SLC35F2: variants seen among roughly 807,000 people sequenced by gnomAD.
SLC35F2 encodes the protein queuine/queuosine transporter SLC35F2.
Under a neutral mutation model 38.1 loss-of-function variants are expected in SLC35F2, and 25 were observed. That is an observed-to-expected ratio of 0.66 (90% CI 0.48 to 0.92). The LOEUF (loss-of-function observed/expected upper bound fraction) is 0.92, where lower values mean the gene tolerates loss of function less well. SLC35F2 is among the 40% of genes least tolerant of loss of function. The pLI is 0.00. For synonymous variants in SLC35F2, 173 were observed against 181.7 expected, an observed-to-expected ratio of 0.95 and a Z score of 0.38; for missense variants, 409 against 452.9, an observed-to-expected ratio of 0.90 and a Z score of 0.88.
At chr11:107,853,535 A>G (rs1034426091) in intron 1 of SLC35F2, among the ~76,000 whole-genome samples, 2 of 151,250 alleles carry the variant, frequency 1.3e-5, no homozygotes, top group East Asian at 1.9e-4. Context: ...TGGCTAACAC[A>G]GTGAAACCCC....
chr11:107,834,819 TACATA>T (rs1859903749), intron 1 of SLC35F2, among the ~76,000 whole-genome samples: 3 of 152,334 alleles, frequency 2.0e-5, no homozygotes, highest in East Asian at 1.9e-4. Flanking sequence ...CATTTTATAA[TACATA>T]ACATATTGCA....
At chr11:107,850,842 C>A (rs1035989844) in intron 1 of SLC35F2, among the ~76,000 whole-genome samples, 17 of 151,780 alleles carry the variant, frequency 1.1e-4, no homozygotes, top group Admixed American at 4.6e-4. Flanking sequence ...TTAGTCAACT[C>A]AAAATGTCAA....
intron 3 of SLC35F2, among the ~76,000 whole-genome samples, chr11:107,808,700 C>T (rs1591189335): frequency 6.6e-6 from 1 of 152,184 alleles, no homozygotes; most frequent in East Asian, 1.9e-4. Flanking sequence ...GGGCATCTTG[C>T]CTTGTTATTT....
chr11:107,829,681 A>C (rs1238036832), intron 1 of SLC35F2, among the ~76,000 whole-genome samples: 1 of 151,322 alleles, frequency 6.6e-6, no homozygotes, highest in African/African-American at 2.4e-5. Flanking sequence ...ATCTCACAAA[A>C]AAAAAAAAAA....
chr11:107,845,458 C>T (rs955435714), intron 1 of SLC35F2, among the ~76,000 whole-genome samples: 4 of 151,564 alleles, frequency 2.6e-5, no homozygotes, highest in Admixed American at 6.6e-5. Flanking sequence ...GAAGTCGAAG[C>T]TGCAGGGAGC....
chr11:107,813,251 C>T (rs1859510777), intron 2 of SLC35F2, among the ~76,000 whole-genome samples: 1 of 152,028 alleles, frequency 6.6e-6, no homozygotes, highest in Non-Finnish European at 1.5e-5. Context: ...TCGAGACCAG[C>T]CTGGTCAACA....
chr11:107,807,361 G>A (rs1257320513), intron 3 of SLC35F2, among the ~76,000 whole-genome samples: 4 of 151,186 alleles, frequency 2.6e-5, no homozygotes, highest in Non-Finnish European at 4.4e-5. Context: ...AAGGTGAGAG[G>A]ATCACTTGAG....
chr11:107,806,673 C>CA (rs34066069), intron 4 of SLC35F2, 44 bp downstream of exon 4: 955,751 of 1,594,744 alleles, frequency 0.6, 288,722 homozygotes, highest in African/African-American at 0.72. Context: ...AAAACATAAA[C>CA]AAATTTGCTG....
intron 1 of SLC35F2, among the ~76,000 whole-genome samples, chr11:107,848,945 T>A (rs1313945863): frequency 6.6e-6 from 1 of 152,168 alleles, no homozygotes; most frequent in Non-Finnish European, 1.5e-5. Flanking sequence ...GATTTCTTTC[T>A]TTTTTTCTTT....
chr11:107,795,076 T>C (rs1859196588), intron 7 of SLC35F2, among the ~76,000 whole-genome samples: 1 of 152,216 alleles, frequency 6.6e-6, no homozygotes, highest in East Asian at 1.9e-4. Flanking sequence ...CCCATGCTTA[T>C]GGACTGGAAG....
At chr11:107,796,823 C>A (rs1163536762) in intron 7 of SLC35F2, among the ~76,000 whole-genome samples, 1 of 152,162 alleles carries the variant, frequency 6.6e-6, no homozygotes, top group Non-Finnish European at 1.5e-5. Context: ...TGTGCACCAA[C>A]ATACCCGTAT....
At chr11:107,807,007 T>C in intron 3 of SLC35F2, 131 bp from the exon 4 acceptor site, 1 of 752,310 alleles carries the variant, frequency 1.3e-6, no homozygotes. Flanking sequence ...TTGCCAGCCC[T>C]GTACTAAGAG....
chr11:107,808,350 A>C (rs1859429248), intron 3 of SLC35F2, among the ~76,000 whole-genome samples: 3 of 152,180 alleles, frequency 2.0e-5, no homozygotes, highest in Admixed American at 2.0e-4. Context: ...TTGCAAGATA[A>C]AAGATAAAAA....
At chr11:107,799,899 T>G (rs524655) in intron 7 of SLC35F2, among the ~76,000 whole-genome samples, 39,996 of 149,986 alleles carry the variant, frequency 0.27, 6,682 homozygotes, top group Non-Finnish European at 0.38. Flanking sequence ...TTTTGTTTTT[T>G]TTTTTTTGAG....
chr11:107,858,410 A>C, intron 1 of SLC35F2: 1 of 355,030 alleles, frequency 2.8e-6, no homozygotes, highest in Non-Finnish European at 5.0e-6. Context: ...GTTTCCCCCC[A>C]AATCCTCCAA....
intron 7 of SLC35F2, among the ~76,000 whole-genome samples, chr11:107,802,778 G>C (rs7109212): frequency 6.6e-6 from 1 of 152,006 alleles, no homozygotes; most frequent in African/African-American, 2.4e-5. Context: ...CCATACCATC[G>C]AAGATGAAAT....
chr11:107,848,055 G>A (rs182068113), intron 1 of SLC35F2, among the ~76,000 whole-genome samples: 48 of 152,228 alleles, frequency 3.2e-4, no homozygotes, highest in African/African-American at 1.0e-3. Flanking sequence ...CTGGGGAGGG[G>A]GAGTGCAGAG....
chr11:107,819,443 G>A (rs1013882084), intron 1 of SLC35F2, among the ~76,000 whole-genome samples: 1 of 152,106 alleles, frequency 6.6e-6, no homozygotes. Context: ...TCCCCTACAG[G>A]TAGCATTCTT....
In SLC35F2 at chr11:107,792,524, A is replaced by G; in HGVS notation, c.*91T>C. The G allele has an allele frequency of 2.8e-6, 4 of 1,439,446 alleles. No individual in the cohort carries two copies. Among genetic ancestry groups the G allele is most frequent in the Non-Finnish European group, 2.8e-6 (3 of 1,075,200 alleles). 89.2% of individuals were successfully genotyped at this position (1,439,446 alleles called of 1,614,324 possible). A position where few individuals can be genotyped will look rare whatever the true frequency, so the allele number is the denominator to read the frequency against. ...TCCAACCCAGGGTTGTAGAGTGTCC[A>G]TTCTGAGTCTGCTATTTCCCCAAGT... On this transcript the variant is annotated 3_prime_UTR_variant, in exon 8 of 8. Transcript: ENST00000525815.
Sources: gnomAD v4.1 joint callset for allele counts (sites outside exome capture counted in the v4.1 genomes callset) on GRCh38, gnomAD v4.1.1 for gene constraint, MANE v1.5 for transcripts, NCBI Gene and HGNC (gene_info 2026-07-23, HGNC 2026-07-21) for gene names.